The following FAM13A variants were observed in gnomAD, a reference collection of about 807,000 sequenced individuals.
FAM13A encodes the protein family with sequence similarity 13 member A.
In FAM13A, 76 loss-of-function variants were observed where a neutral mutation model predicts 129.6. That is an observed-to-expected ratio of 0.59 (90% confidence interval 0.49 to 0.71). FAM13A has a LOEUF of 0.71. FAM13A is among the 30% of genes least tolerant of loss of function. FAM13A has a pLI of 0.00. For synonymous variants in FAM13A, 443 were observed against 449.9 expected (o/e 0.98, Z 0.20); for missense variants, 1,108 against 1,249.3 (o/e 0.89, Z 1.70).
At chr4:88,964,331 T>C (rs1375928899) in intron 4 of FAM13A, among the ~76,000 whole-genome samples, 3 of 152,198 alleles carry the variant, frequency 2.0e-5, no homozygotes, top group Non-Finnish European at 2.9e-5. Flanking sequence ...ATGGTATAAA[T>C]AACATAATTA....
chr4:88,893,974 G>C (rs1349728868), intron 6 of FAM13A, among the ~76,000 whole-genome samples: 1 of 152,122 alleles, frequency 6.6e-6, no homozygotes, highest in Admixed American at 6.5e-5. Flanking sequence ...CAGTGTCTCT[G>C]GCACAACTAG....
chr4:88,797,148 A>G (rs1352124471), intron 8 of FAM13A, among the ~76,000 whole-genome samples: 1 of 150,652 alleles, frequency 6.6e-6, no homozygotes, highest in Non-Finnish European at 1.5e-5. Flanking sequence ...TTATCTCTCA[A>G]TTAGCTGGGC....
At chr4:89,012,998 C>G (rs1765929070) in intron 3 of FAM13A, among the ~76,000 whole-genome samples, 1 of 152,064 alleles carries the variant, frequency 6.6e-6, no homozygotes, top group Admixed American at 6.6e-5. Context: ...ACAACTTTAT[C>G]ACATATTGAT....
rs545070900 is a variant in FAM13A at position 88,995,740 on chromosome 4, A to G, written c.428-4590T>C. On this transcript the variant is annotated intron_variant, in intron 3 of 23. Coordinates refer to ENST00000264344, the MANE Select transcript of FAM13A (RefSeq NM_014883.4). ...ACTTCACCTTGTGATCATGTGAGCCAATACTCCTTAATAAGCCAAATACCC... is the reference window on the plus strand; with the variant it reads ...ACTTCACCTTGTGATCATGTGAGCCGATACTCCTTAATAAGCCAAATACCC... Among the ~76,000 whole-genome samples the G allele has an allele frequency of 1.6e-4, 24 of 152,290 alleles. No individual in the cohort carries two copies. The South Asian group carries it at 4.8e-3, about 30-fold the overall frequency.
chr4:88,749,410 ACAGAGCTGACAG>A (rs543223230), intron 16 of FAM13A, among the ~76,000 whole-genome samples: 176 of 152,342 alleles, frequency 1.2e-3, no homozygotes, highest in African/African-American at 3.9e-3. Flanking sequence ...CTCTTGTGGT[ACAGAGCTGACAG>A]CAGAACGAGC....
intron 8 of FAM13A, among the ~76,000 whole-genome samples, chr4:88,797,554 T>G (rs905507685): frequency 3.9e-5 from 6 of 152,176 alleles, no homozygotes; most frequent in African/African-American, 1.2e-4. Flanking sequence ...AGAGAACTAC[T>G]GTGTCCAGCC....
intron 11 of FAM13A, among the ~76,000 whole-genome samples, chr4:88,770,302 T>A (rs534016014): frequency 6.6e-6 from 1 of 152,352 alleles, no homozygotes; most frequent in African/African-American, 2.4e-5. Flanking sequence ...TGACAAAGAA[T>A]CTTTGTTCCC....
At chr4:88,752,384 C>A (rs1351837065) in intron 14 of FAM13A, among the ~76,000 whole-genome samples, 1 of 152,020 alleles carries the variant, frequency 6.6e-6, no homozygotes, top group Non-Finnish European at 1.5e-5. Flanking sequence ...TTTTAGTAGA[C>A]CCCATATAAT....
At chr4:88,903,873 T>C (rs1396022002) in intron 6 of FAM13A, among the ~76,000 whole-genome samples, 1 of 152,072 alleles carries the variant, frequency 6.6e-6, no homozygotes, top group Non-Finnish European at 1.5e-5. Context: ...TTGTAACTTA[T>C]CCATCTGACA....
chr4:88,988,156 T>G (rs899928967), intron 4 of FAM13A, among the ~76,000 whole-genome samples: 2 of 152,030 alleles, frequency 1.3e-5, no homozygotes, highest in Non-Finnish European at 2.9e-5. Context: ...AAATTAAATT[T>G]TTTTCAAAAG....
intron 4 of FAM13A, among the ~76,000 whole-genome samples, chr4:88,947,674 T>TC (rs1579433913): frequency 6.6e-6 from 1 of 152,046 alleles, no homozygotes; most frequent in East Asian, 1.9e-4. Flanking sequence ...CTTTCTTTAG[T>TC]CCTTTTTTTT....
rs147115588 is a variant in FAM13A, at chr4:88,733,165, G to T, written c.2647-967C>A. ...TGCAGCAAAAACATCTCAGGAGGCC[G>T]CAGCAGTTCCCGCTGGCGGGCAAAG... On this transcript the variant is annotated intron_variant, in intron 21 of 23. Coordinates refer to ENST00000264344, the MANE Select transcript of FAM13A (RefSeq NM_014883.4). 6.6e-5 allele frequency among the ~76,000 whole-genome samples: 10 copies of T among 152,342 alleles called. No homozygotes were observed. The South Asian group carries it at 1.9e-3, about 28-fold the overall frequency.
intron 6 of FAM13A, among the ~76,000 whole-genome samples, chr4:88,903,076 A>G (rs1747546861): frequency 6.6e-6 from 1 of 152,222 alleles, no homozygotes. Context: ...AAGGGGAACT[A>G]CAAATCACTG....
intron 6 of FAM13A, among the ~76,000 whole-genome samples, chr4:88,865,743 C>G (rs1353239583): frequency 2.0e-5 from 3 of 152,202 alleles, no homozygotes; most frequent in African/African-American, 4.8e-5. Context: ...AATATATAAA[C>G]AAATGGGCAC....
chr4:88,978,408 A>T (rs1229953615), intron 4 of FAM13A, among the ~76,000 whole-genome samples: 1 of 152,214 alleles, frequency 6.6e-6, no homozygotes, highest in Non-Finnish European at 1.5e-5. Context: ...TCTATACAAA[A>T]ATTCCTGGCT....
rs368503278 is a variant in FAM13A, at chr4:88,886,403, A to G, written c.843+19976T>C. ...CAGGAGTTTGAAACCAGCCTGGCCA[A>G]CATGGTGAAACCCCATCTCTACTAG... On this transcript the variant is annotated intron_variant, in intron 6 of 23. Transcript: ENST00000264344. 7.2e-5 allele frequency among the ~76,000 whole-genome samples: 11 copies of G among 152,088 alleles called. 1 individual carries two copies. Among genetic ancestry groups the G allele is most frequent in the African/African-American group, 2.7e-4 (11 of 41,392 alleles).
At chr4:88,797,175 T>G (rs1196962334) in intron 8 of FAM13A, among the ~76,000 whole-genome samples, 1 of 152,120 alleles carries the variant, frequency 6.6e-6, no homozygotes, top group African/African-American at 2.4e-5. Context: ...TATACTTGTA[T>G]TTTACAAATA....
intron 14 of FAM13A, among the ~76,000 whole-genome samples, chr4:88,758,445 CTA>C (rs1218102343): frequency 5.3e-5 from 8 of 151,342 alleles, no homozygotes; most frequent in African/African-American, 1.9e-4. Flanking sequence ...CTGCTTGGTA[CTA>C]TGAGGGGGAA....
chr4:88,749,685 C>T (rs578031940), intron 16 of FAM13A, 86 bp downstream of exon 16: 12 of 1,428,390 alleles, frequency 8.4e-6, no homozygotes, highest in Non-Finnish European at 1.2e-5. Flanking sequence ...CCTCCCTTAA[C>T]CTTTCGTCGT....
Sources: allele counts gnomAD v4.1 joint callset (sites outside exome capture counted in the v4.1 genomes callset), GRCh38; gene constraint gnomAD v4.1.1; transcripts MANE v1.5; gene names NCBI Gene and HGNC (gene_info 2026-07-23, HGNC 2026-07-21).